RAB44: variants seen among roughly 807,000 people sequenced by gnomAD.
RAB44 encodes ras-related protein Rab-44.
A neutral mutation model predicts 93.3 loss-of-function variants in RAB44; 67 were observed. The observed-to-expected ratio is 0.72, with a 90% CI of 0.59 to 0.88. The LOEUF (loss-of-function observed/expected upper bound fraction) is 0.88. RAB44 is among the 40% of genes least tolerant of loss of function. The probability of loss-of-function intolerance (pLI) is 0.00; values close to 1 mark genes in which losing one functional copy is unlikely to be tolerated. For synonymous variants in RAB44, 427 were observed against 520.3 expected (o/e 0.82, Z 2.44); for missense variants, 1,064 against 1,261.7 (o/e 0.84, Z 2.37).
At chr6:36,720,329 T>C in intron 7 of RAB44, 34 bp from the exon 8 acceptor site, 1 of 1,232,008 alleles carries the variant, frequency 8.1e-7, no homozygotes, top group Non-Finnish European at 1.0e-6. Flanking sequence ...GGAGGGCATC[T>C]GGGCTTCTCT....
At position 36,721,372 on chromosome 6, in the gene RAB44, C is replaced by A. The variant is rs12213191; in HGVS notation, c.1238C>A (p.Ser413Ter). The change falls in exon 9 of 14, where the codon TCG (serine) becomes TAG (stop). Residue 413 changes from serine to a stop codon, truncating the protein, a stop_gained. Transcript: ENST00000612677. LOFTEE classifies it high-confidence loss of function. ...CGTGTGGTCAGGCAGATCTCCATCT[C>A]GGAGCCACAGGCTTTTCTATTTGGT... ...TPRVVRQISI[S>*]EPQAFLFGQE... 1,169 of 1,234,170 alleles carry A rather than the reference C, an allele frequency of 9.5e-4. No homozygotes were observed. The highest frequency in any genetic ancestry group is 1.1e-3 in the Non-Finnish European group (1,120 of 988,166). 76.5% of individuals were successfully genotyped at this position (1,234,170 alleles called of 1,614,324 possible).
chr6:36,730,492 G>A (rs1418589610), intron 12 of RAB44, among the ~76,000 whole-genome samples, 181 bp from the exon 13 acceptor site: 1 of 152,214 alleles, frequency 6.6e-6, no homozygotes, highest in Non-Finnish European at 1.5e-5. Flanking sequence ...AAGGGACAGT[G>A]GGCAAAGGGC....
rs1762939674 is a variant in RAB44 at position 36,717,077 on chromosome 6, G to T, written c.495-196G>T. The stretch of plus-strand genomic sequence containing the variant: ...ACACAGTGTGGCGGGGGTTCGAGAA[G>T]GGAGAGGGCACATCTGGGAATGGTT... On this transcript the variant is annotated intron_variant, in intron 4 of 13. Coordinates refer to ENST00000612677, the MANE Select transcript of RAB44 (RefSeq NM_001257357.2). The surrounding 1 kb of genome is among the most constrained non-coding windows in gnomAD (Gnocchi z 4.1). 6.6e-6 allele frequency among the ~76,000 whole-genome samples: 1 copy of T among 152,192 alleles called. No homozygotes were observed.
At position 36,717,248 on chromosome 6, in the gene RAB44, T is replaced by A. The variant is rs1391542616; in HGVS notation, c.495-25T>A. ...TCCCACCTTGTGTCTGACCCTCCCA[T>A]CTCTGGCTGTCTTCCCCTCCCCAGG... On this transcript the variant is annotated intron_variant, in intron 4 of 13. Coordinates refer to ENST00000612677, the MANE Select transcript of RAB44 (RefSeq NM_001257357.2). The surrounding 1 kb of genome is among the most constrained non-coding windows in gnomAD (Gnocchi z 4.1). 5.7e-6 allele frequency: 7 copies of A among 1,231,910 alleles called. No individual in the cohort carries two copies. Among genetic ancestry groups the A allele is most frequent in the Non-Finnish European group, 6.1e-6 (6 of 987,926 alleles). 76.3% of individuals were successfully genotyped at this position (1,231,910 alleles called of 1,614,324 possible).
chr6:36,703,646 A>G lies in RAB44; in HGVS notation c.-12-578A>G, dbSNP rs551166784. ...GCCCTAAGAGCCGCATAGGGGTGCT[A>G]CTGATTCCATGCTGCGTGTGTCGAA... On this transcript the variant is annotated intron_variant, in intron 1 of 13. Coordinates refer to ENST00000612677, the MANE Select transcript of RAB44 (RefSeq NM_001257357.2). Among the ~76,000 whole-genome samples, 34 of 152,162 alleles carry G rather than the reference A, an allele frequency of 2.2e-4. 1 individual carries two copies.
chr6:36,720,183 A>AGGAGCTAAT (rs148726784), intron 7 of RAB44, among the ~76,000 whole-genome samples, 180 bp from the exon 8 acceptor site: 2,524 of 152,156 alleles, frequency 0.017, 64 homozygotes, highest in African/African-American at 0.056. Flanking sequence ...CCTCCTAGAT[A>AGGAGCTAAT]GGAGCTAATG....
intron 1 of RAB44, among the ~76,000 whole-genome samples, chr6:36,700,827 AC>A (rs1762491968): frequency 6.6e-6 from 1 of 152,152 alleles, no homozygotes; most frequent in South Asian, 2.1e-4. Flanking sequence ...GCCAGGCCAA[AC>A]CCCATTAGCC....
At chr6:36,708,218 G>GA (rs972557696) in intron 2 of RAB44, among the ~76,000 whole-genome samples, 105 of 124,734 alleles carry the variant, frequency 8.4e-4, no homozygotes, top group South Asian at 2.2e-3. Context: ...TCTCAAGAAA[G>GA]AAAAAAAAAA....
intron 1 of RAB44, among the ~76,000 whole-genome samples, chr6:36,702,555 A>T (rs1022210882): frequency 2.0e-5 from 3 of 152,128 alleles, no homozygotes; most frequent in Non-Finnish European, 2.9e-5. Context: ...CCCAGGGGAG[A>T]TATCTATTCC....
Position 36,731,166 on chromosome 6 carries a change from CACACACACTCACACTCTT to C in RAB44, c.2975+434_2975+451del, listed in dbSNP as rs1471553867. ...ACACACACACACATTCACTCACACC[CACACACACTCACACTCTT>C]ACACACACTCACACTCACACACACA... On this transcript the variant is annotated intron_variant, in intron 13 of 13. Transcript: ENST00000612677. The surrounding 1 kb of genome is among the most constrained non-coding windows in gnomAD (Gnocchi z 4.0). 6.8e-6 allele frequency among the ~76,000 whole-genome samples: 1 copy of C among 146,500 alleles called. No homozygotes were observed. The highest frequency in any genetic ancestry group is 6.8e-5 in the Admixed American group (1 of 14,764).
At chr6:36,706,509 C>T (rs1430519587) in intron 2 of RAB44, among the ~76,000 whole-genome samples, 2 of 152,174 alleles carry the variant, frequency 1.3e-5, no homozygotes, top group East Asian at 1.9e-4. Flanking sequence ...AGGCCAGCTT[C>T]CTGGTAGGGT....
At position 36,722,569 on chromosome 6, in the gene RAB44, G is replaced by T; in HGVS notation, c.2435G>T (p.Gly812Val). Residue 812 changes from glycine (G) to valine (V), a missense_variant, in exon 9 of 14, where the codon GGG becomes GTG. Coordinates refer to ENST00000612677, the MANE Select transcript of RAB44 (RefSeq NM_001257357.2). ...CCAGGAATGGACTCCAGGGAAGCTG[G>T]GCTGACCCCATCCCCGGGAGACCCC... Reference protein sequence around the residue: ...EDPGMDSREAGLTPSPGDPMA... With the variant: ...EDPGMDSREAVLTPSPGDPMA... The T allele has an allele frequency of 6.5e-7, 1 of 1,550,038 alleles. No homozygotes were observed. The highest frequency in any genetic ancestry group is 8.7e-7 in the Non-Finnish European group (1 of 1,146,638).
chr6:36,726,306 C>T lies in RAB44; in HGVS notation c.2681+363C>T, dbSNP rs147417941. ...TATTGCTCAGGCTGGAGTACAGTGG[C>T]GTGATCTGGGCTCACTGCAACCTCC... On this transcript the variant is annotated intron_variant, in intron 10 of 13. Coordinates refer to ENST00000612677, the MANE Select transcript of RAB44 (RefSeq NM_001257357.2). Among the ~76,000 whole-genome samples, 345 of 152,244 alleles carry T rather than the reference C, an allele frequency of 2.3e-3. 6 individuals carry two copies. The highest frequency in any genetic ancestry group is 0.017 in the Middle Eastern group (5 of 294).
Position 36,718,075 on chromosome 6 carries a change from T to TGGAGCAGCAGATCCGCCAGGA in RAB44, c.691_711dup (p.Glu231_Glu237dup), listed in dbSNP as rs1335477502. 44 of 1,231,864 alleles carry TGGAGCAGCAGATCCGCCAGGA rather than the reference T, an allele frequency of 3.6e-5. No homozygotes were observed. The highest frequency in any genetic ancestry group is 4.3e-5 in the Non-Finnish European group (42 of 987,994). 76.3% of individuals were successfully genotyped at this position (1,231,864 alleles called of 1,614,324 possible). A position where few individuals can be genotyped will look rare whatever the true frequency, so the allele number is the denominator to read the frequency against. On this transcript the variant is annotated inframe_insertion, in exon 6 of 14. Coordinates refer to ENST00000612677, the MANE Select transcript of RAB44 (RefSeq NM_001257357.2). ...GAGGTCCAGCAGCTCTATGAGGAGATGGAGCAGCAGATCCGCCAGGAGAAG... is the reference window on the plus strand; with the variant it reads ...GAGGTCCAGCAGCTCTATGAGGAGATGGAGCAGCAGATCCGCCAGGAGGAGCAGCAGATCCGCCAGGAGAAG...
At chr6:36,711,932 C>G (rs1183282407) in intron 2 of RAB44, among the ~76,000 whole-genome samples, 1 of 150,984 alleles carries the variant, frequency 6.6e-6, no homozygotes, top group East Asian at 2.0e-4. Context: ...AAAGGCCTGT[C>G]TATTACAGAC....
At chr6:36,729,629 T>C (rs1035937214) in intron 12 of RAB44, among the ~76,000 whole-genome samples, 1 of 152,068 alleles carries the variant, frequency 6.6e-6, no homozygotes, top group African/African-American at 2.4e-5. Context: ...ATTACAGGCA[T>C]GTGCCACCAC....
At chr6:36,703,918 T>G (rs576589863) in intron 1 of RAB44, among the ~76,000 whole-genome samples, 1 of 152,238 alleles carries the variant, frequency 6.6e-6, no homozygotes. Context: ...ATATATTCTC[T>G]AATGGTCGGA....
At chr6:36,715,374 C>A in intron 3 of RAB44, 105 bp from the exon 4 acceptor site, 2 of 993,022 alleles carry the variant, frequency 2.0e-6, no homozygotes, top group Non-Finnish European at 1.5e-6. Context: ...ATGTGACTGG[C>A]ACAGGTAGAA....
intron 1 of RAB44, among the ~76,000 whole-genome samples, chr6:36,698,970 AGGTTGTGCTGTCAGGCCGT>A (rs1416289758): frequency 1.3e-5 from 2 of 151,918 alleles, no homozygotes; most frequent in Non-Finnish European, 2.9e-5. Context: ...GACTGTTTTT[AGGTTGTGCTGTCAGGCCGT>A]GGGGGTGCTG....
Sources: gnomAD v4.1 joint callset for allele counts (sites outside exome capture counted in the v4.1 genomes callset) on GRCh38, gnomAD v4.1.1 for gene constraint, Gnocchi (gnomAD v3.1) non-coding constraint, MANE v1.5 for transcripts, NCBI Gene and HGNC (gene_info 2026-07-23, HGNC 2026-07-21) for gene names.